The following ZNF107 variants were observed in gnomAD, a reference collection of about 807,000 sequenced individuals.
The protein encoded by ZNF107 is C2H2 type zinc-finger protein.
Under a neutral mutation model 12.3 loss-of-function variants are expected in ZNF107, and 19 were observed. The observed-to-expected ratio is 1.55, with a 90% confidence interval of 1.08 to 2.27. The LOEUF (loss-of-function observed/expected upper bound fraction) is 2.27, where lower values mean the gene tolerates loss of function less well. ZNF107 is among the 30% of genes most tolerant of loss of function. The pLI is 0.00. For synonymous variants in ZNF107, 317 were observed against 330.5 expected, an observed-to-expected ratio of 0.96 and a Z score of 0.44; for missense variants, 958 against 979.9, an observed-to-expected ratio of 0.98 and a Z score of 0.30.
intron 3 of ZNF107, among the ~76,000 whole-genome samples, chr7:64,693,949 T>G (rs1049899345): frequency 3.3e-5 from 5 of 152,098 alleles, no homozygotes; most frequent in Non-Finnish European, 5.9e-5. Flanking sequence ...CCACCACGCC[T>G]GGCTAATTTT....
rs1265666481 is a variant in ZNF107, at chr7:64,708,277, A to T, written c.2180A>T (p.His727Leu). 3 of 1,613,668 alleles carry T rather than the reference A, an allele frequency of 1.9e-6. No homozygotes were observed. Among genetic ancestry groups the T allele is most frequent in the Non-Finnish European group, 2.5e-6 (3 of 1,179,816 alleles). Residue 727 changes from histidine to leucine, a missense_variant, in exon 4 of 4, where the codon CAT (histidine) becomes CTT (leucine). Coordinates refer to ENST00000620827, the MANE Select transcript of ZNF107 (RefSeq NM_001282359.2). ...ACCCTTAATAGACATAAGATAATTC[A>T]TACTGGAGAGAAACCTTACAAATGT... is the stretch of plus-strand genomic sequence containing the variant. ...SSTLNRHKII[H>L]TGEKPYKCKE...
intron 1 of ZNF107, among the ~76,000 whole-genome samples, chr7:64,678,417 G>C (rs1789511631): frequency 6.6e-6 from 1 of 152,140 alleles, no homozygotes; most frequent in Admixed American, 6.5e-5. Flanking sequence ...GTATGTAGTT[G>C]TTCTTTGGTT....
At chr7:64,684,491 C>T in intron 1 of ZNF107, 1 of 804,538 alleles carries the variant, frequency 1.2e-6, no homozygotes, top group Non-Finnish European at 1.5e-6. Context: ...TGGATTCACC[C>T]TTCCAGAGTA....
At chr7:64,674,362 T>C (rs1451127802) in intron 1 of ZNF107, among the ~76,000 whole-genome samples, 1 of 152,246 alleles carries the variant, frequency 6.6e-6, no homozygotes, top group African/African-American at 2.4e-5. Context: ...AATATTCTTT[T>C]TGTAGCAATT....
chr7:64,695,874 T>C (rs1034407309), intron 3 of ZNF107, among the ~76,000 whole-genome samples: 1 of 152,180 alleles, frequency 6.6e-6, no homozygotes, highest in African/African-American at 2.4e-5. Flanking sequence ...CAGTTTTTCT[T>C]TAAAATATTG....
chr7:64,707,318 C>T lies in ZNF107; in HGVS notation c.1221C>T (p.Asn407=), dbSNP rs777619945. ...YKCEECGKVF[N]QFSTLTRHKI... ...GTGAAGAATGTGGCAAAGTCTTTAA[C>T]CAGTTCTCAACTCTTACTAGACATA... Residue 407 remains asparagine, a synonymous_variant, in exon 4 of 4, where the codon AAC becomes AAT. Transcript: ENST00000620827. 1.2e-6 allele frequency: 2 copies of T among 1,613,148 alleles called. No homozygotes were observed. The highest frequency in any genetic ancestry group is 1.1e-5 in the South Asian group (1 of 91,032).
chr7:64,708,358 T>C lies in ZNF107; in HGVS notation c.2261T>C (p.Ile754Thr), dbSNP rs143676240. 1.9e-6 allele frequency: 3 copies of C among 1,613,238 alleles called. No homozygotes were observed. In the African/African-American group the frequency reaches 4.0e-5, roughly 22 times the overall value. The change falls in exon 4 of 4, where the codon ATT becomes ACT. Residue 754 changes from isoleucine to threonine, a missense_variant. Physicochemically the swap from Ile to Thr is moderately conservative, Grantham distance 89. Coordinates refer to ENST00000620827, the MANE Select transcript of ZNF107 (RefSeq NM_001282359.2). ...TCAACCCTTACTGCACATAAGAAAA[T>C]TCATACTGGAGAGAAACCCTATAAA... ...LSSTLTAHKK[I>T]HTGEKPYKCE...
chr7:64,702,159 T>A (rs1378794494), intron 3 of ZNF107, among the ~76,000 whole-genome samples: 1 of 152,018 alleles, frequency 6.6e-6, no homozygotes, highest in African/African-American at 2.4e-5. Flanking sequence ...AGTTTTATTT[T>A]TTTTTTTGAG....
chr7:64,684,304 C>A (rs749631090), intron 1 of ZNF107, among the ~76,000 whole-genome samples: 2 of 152,186 alleles, frequency 1.3e-5, no homozygotes, highest in African/African-American at 2.4e-5. Context: ...TGAAATCTGT[C>A]AGGCTGCTAA....
intron 3 of ZNF107, among the ~76,000 whole-genome samples, chr7:64,697,833 A>G (rs79932062): frequency 0.33 from 50,064 of 151,648 alleles, 8,956 homozygotes; most frequent in Non-Finnish European, 0.4. Context: ...CTGGGACTAC[A>G]TGCGCCCGCC....
At chr7:64,669,900 G>A (rs9638382) in intron 1 of ZNF107, among the ~76,000 whole-genome samples, 7,137 of 152,236 alleles carry the variant, frequency 0.047, 448 homozygotes, top group African/African-American at 0.14. Flanking sequence ...GGAAATTAAA[G>A]CTTATGCCCA....
chr7:64,696,302 C>G (rs1338336971), intron 3 of ZNF107, among the ~76,000 whole-genome samples: 1 of 151,954 alleles, frequency 6.6e-6, no homozygotes, highest in Admixed American at 6.6e-5. Context: ...CCCGCCTCGG[C>G]CTTTCAAAGT....
chr7:64,675,695 A>T lies in ZNF107; in HGVS notation c.3+9410A>T, dbSNP rs549073091. ...CTTTTGTTTATAATGTTAGTTTGTT[A>T]AATTGAGATCTTTTTAACTTTTTAA... On this transcript the variant is annotated intron_variant, in intron 1 of 3. Coordinates refer to ENST00000620827, the MANE Select transcript of ZNF107 (RefSeq NM_001282359.2). Among the ~76,000 whole-genome samples, 61 of 152,224 alleles carry T rather than the reference A, an allele frequency of 4.0e-4. No individual in the cohort carries two copies. In the South Asian group the frequency reaches 0.012, roughly 31 times the overall value.
intron 1 of ZNF107, chr7:64,686,668 G>A: frequency 1.0e-6 from 1 of 983,800 alleles, no homozygotes. Flanking sequence ...CCTGGAACCA[G>A]AAAACCTGCA....
chr7:64,688,533 C>G (rs537349793), intron 1 of ZNF107, among the ~76,000 whole-genome samples: 2 of 152,152 alleles, frequency 1.3e-5, no homozygotes, highest in South Asian at 4.2e-4. Context: ...GCTGGTGTTA[C>G]AGGTATGAGC....
chr7:64,706,444 G>T lies in ZNF107; in HGVS notation c.347G>T (p.Gly116Val). The change falls in exon 4 of 4, where the codon GGC (glycine) becomes GTC (valine). Residue 116 changes from glycine (G) to valine (V), a missense_variant. Coordinates refer to ENST00000620827, the MANE Select transcript of ZNF107 (RefSeq NM_001282359.2). ...CEYENLQLRK[G>V]CKHVDECTGH... ...TATGAGAATTTACAGTTAAGAAAAGGCTGTAAACATGTGGATGAGTGTACG... is the reference window on the plus strand; with the variant it reads ...TATGAGAATTTACAGTTAAGAAAAGTCTGTAAACATGTGGATGAGTGTACG... The T allele has an allele frequency of 6.2e-7, 1 of 1,613,614 alleles. No homozygotes were observed.
intron 3 of ZNF107, among the ~76,000 whole-genome samples, chr7:64,702,888 T>C (rs1033152088): frequency 6.6e-6 from 1 of 152,242 alleles, no homozygotes; most frequent in Non-Finnish European, 1.5e-5. Context: ...TCTTTATTTA[T>C]ATTTTGTGTT....
intron 3 of ZNF107, among the ~76,000 whole-genome samples, chr7:64,696,479 C>T (rs1293078378): frequency 1.3e-5 from 2 of 152,136 alleles, no homozygotes; most frequent in Admixed American, 1.3e-4. Context: ...TGTGCCACTG[C>T]ACTCCAGCTT....
chr7:64,684,999 A>G (rs1789844632), intron 1 of ZNF107, among the ~76,000 whole-genome samples: 5 of 152,162 alleles, frequency 3.3e-5, no homozygotes, highest in Admixed American at 3.3e-4. Context: ...AAAACTGGGT[A>G]GTTACTAGCT....
Sources: gnomAD v4.1 joint callset for allele counts (sites outside exome capture counted in the v4.1 genomes callset) on GRCh38, gnomAD v4.1.1 for gene constraint, MANE v1.5 for transcripts, NCBI Gene and HGNC (gene_info 2026-07-23, HGNC 2026-07-21) for gene names.